ATP8B1: variants seen among roughly 807,000 people sequenced by gnomAD.
ATP8B1 encodes ATPase phospholipid transporting 8B1.
Under a neutral mutation model 149.9 loss-of-function variants are expected in ATP8B1, and 80 were observed. The observed-to-expected ratio is 0.53, with a 90% CI of 0.45 to 0.64. The LOEUF (loss-of-function observed/expected upper bound fraction) is 0.64. Among genes scored for constraint, ATP8B1 ranks in the 30% least tolerant of loss-of-function variants. The pLI, the probability that ATP8B1 is intolerant of heterozygous loss-of-function variation, is 0.00. For synonymous variants in ATP8B1, 536 were observed against 562.8 expected (o/e 0.95, Z 0.67); for missense variants, 1,247 against 1,552.6 (o/e 0.80, Z 3.31).
At chr18:57,678,667 A>G (rs17686161) in intron 15 of ATP8B1, among the ~76,000 whole-genome samples, 1,839 of 89,666 alleles carry the variant, frequency 0.021, 113 homozygotes, top group Middle Eastern at 0.077. Flanking sequence ...CAAGCAATTG[A>G]CCCGACTTCG....
chr18:57,711,184 A>G (rs1913669081), intron 2 of ATP8B1, among the ~76,000 whole-genome samples: 1 of 152,176 alleles, frequency 6.6e-6, no homozygotes, highest in Admixed American at 6.5e-5. Context: ...CTTCTAGGAA[A>G]TATCCCCCAT....
At chr18:57,775,082 G>C (rs955792948) in intron 1 of ATP8B1, among the ~76,000 whole-genome samples, 4 of 152,178 alleles carry the variant, frequency 2.6e-5, no homozygotes, top group African/African-American at 9.7e-5. Flanking sequence ...GGGAGGCCAA[G>C]AGGGGTGCAC....
At chr18:57,655,090 CA>C in intron 23 of ATP8B1, 103 bp downstream of exon 23, 1 of 1,121,882 alleles carries the variant, frequency 8.9e-7, no homozygotes, top group Non-Finnish European at 1.3e-6. Flanking sequence ...GACACAGCCC[CA>C]AAACTACAAA....
chr18:57,739,026 C>T (rs1335656598), intron 1 of ATP8B1, among the ~76,000 whole-genome samples: 1 of 152,068 alleles, frequency 6.6e-6, no homozygotes, highest in Admixed American at 6.6e-5. Flanking sequence ...GACTCAGTTT[C>T]GCTCTGTTGC....
At chr18:57,659,502 T>G (rs927038904) in intron 22 of ATP8B1, among the ~76,000 whole-genome samples, 6 of 152,064 alleles carry the variant, frequency 3.9e-5, no homozygotes, top group Non-Finnish European at 8.8e-5. Context: ...ACTTTATAAC[T>G]GAATAAAAAT....
At chr18:57,710,027 C>T (rs1471369016) in intron 2 of ATP8B1, among the ~76,000 whole-genome samples, 1 of 149,882 alleles carries the variant, frequency 6.7e-6, no homozygotes, top group East Asian at 2.0e-4. Flanking sequence ...GACGGAGTCT[C>T]ACTATGTTGC....
chr18:57,674,152 AG>A (rs1233620766), intron 16 of ATP8B1, among the ~76,000 whole-genome samples: 8 of 148,746 alleles, frequency 5.4e-5, no homozygotes, highest in Non-Finnish European at 1.2e-4. Context: ...AGGCTGAGGC[AG>A]GAGACTCGCT....
At chr18:57,768,135 C>A (rs1425132094) in intron 1 of ATP8B1, among the ~76,000 whole-genome samples, 1 of 152,032 alleles carries the variant, frequency 6.6e-6, no homozygotes, top group African/African-American at 2.4e-5. Flanking sequence ...CCTGTAATCC[C>A]AGCATTTTGG....
In ATP8B1 at chr18:57,673,596, C is replaced by A. The variant is rs544698357; in HGVS notation, c.1819+1238G>T. Among the ~76,000 whole-genome samples, 3 of 151,268 alleles carry A rather than the reference C, an allele frequency of 2.0e-5. No homozygotes were observed. In the South Asian group the frequency reaches 6.3e-4, roughly 32 times the overall value. ...CTCAAATGGTTCAGAAAACAATAAC[C>A]TGTATGTATGTGTGTGTACATATAT... On this transcript the variant is annotated intron_variant, in intron 16 of 27. Transcript: ENST00000648908.
intron 15 of ATP8B1, among the ~76,000 whole-genome samples, chr18:57,682,604 T>C (rs1001340863): frequency 2.6e-4 from 40 of 152,182 alleles, no homozygotes; most frequent in African/African-American, 9.7e-4. Context: ...GCTTATTGCC[T>C]GGGTAAAATT....
At chr18:57,688,834 G>T (rs1206283676) in intron 12 of ATP8B1, among the ~76,000 whole-genome samples, 6 of 152,186 alleles carry the variant, frequency 3.9e-5, no homozygotes, top group Non-Finnish European at 8.8e-5. Flanking sequence ...CTATAAAGCA[G>T]AAAGTGAGCC....
At chr18:57,755,017 A>G (rs1170886806) in intron 1 of ATP8B1, among the ~76,000 whole-genome samples, 1 of 152,174 alleles carries the variant, frequency 6.6e-6, no homozygotes, top group African/African-American at 2.4e-5. Context: ...TCAGAATGAT[A>G]AAGTGGTTTT....
intron 21 of ATP8B1, among the ~76,000 whole-genome samples, chr18:57,661,712 T>C (rs1910443448): frequency 2.3e-5 from 2 of 86,948 alleles, no homozygotes; most frequent in Admixed American, 1.5e-4. Context: ...TATATATATA[T>C]ATTTTTTTTT....
intron 2 of ATP8B1, among the ~76,000 whole-genome samples, chr18:57,727,642 AGC>A (rs537921845): frequency 1.4e-3 from 218 of 152,126 alleles, no homozygotes; most frequent in African/African-American, 5.1e-3. Flanking sequence ...TACAAAAATT[AGC>A]CAGGCGTGGT....
intron 2 of ATP8B1, among the ~76,000 whole-genome samples, chr18:57,711,391 G>C (rs932409431): frequency 6.6e-6 from 1 of 152,116 alleles, no homozygotes; most frequent in Non-Finnish European, 1.5e-5. Flanking sequence ...AAGCAGAAGG[G>C]TATCTACCAT....
intron 21 of ATP8B1, among the ~76,000 whole-genome samples, 193 bp from the exon 22 acceptor site, chr18:57,661,655 A>G (rs893022212): frequency 9.7e-5 from 11 of 112,918 alleles, no homozygotes; most frequent in Non-Finnish European, 2.0e-4. Context: ...ACGCACACAT[A>G]TATGTATGTG....
At chr18:57,670,572 G>C (rs139663323) in intron 17 of ATP8B1, among the ~76,000 whole-genome samples, 1 of 151,640 alleles carries the variant, frequency 6.6e-6, no homozygotes, top group Non-Finnish European at 1.5e-5. Flanking sequence ...GGATGGTCTC[G>C]ATCTGTTAAC....
chr18:57,690,505 A>G (rs1317767124), intron 12 of ATP8B1, among the ~76,000 whole-genome samples: 1 of 152,246 alleles, frequency 6.6e-6, no homozygotes, highest in Non-Finnish European at 1.5e-5. Flanking sequence ...AATTATGTAT[A>G]CAGTTTCTTT....
intron 1 of ATP8B1, among the ~76,000 whole-genome samples, chr18:57,791,234 A>G (rs56772470): frequency 0.074 from 11,284 of 152,232 alleles, 1,324 homozygotes; most frequent in African/African-American, 0.24. Flanking sequence ...AAGTGGAATC[A>G]CAAAATATTT....
Sources: gnomAD v4.1 joint callset for allele counts (sites outside exome capture counted in the v4.1 genomes callset) on GRCh38, gnomAD v4.1.1 for gene constraint, MANE v1.5 for transcripts, NCBI Gene and HGNC (gene_info 2026-07-23, HGNC 2026-07-21) for gene names.